The following ATP6V0E1 variants were observed in gnomAD, a reference collection of about 807,000 sequenced individuals.
The protein encoded by ATP6V0E1 is ATPase H+ transporting V0 subunit e1.
In ATP6V0E1, 4 loss-of-function variants were observed where a neutral mutation model predicts 11.6. The observed-to-expected ratio is 0.35, with a 90% confidence interval of 0.17 to 0.79. The LOEUF is 0.79. ATP6V0E1 is among the 30% of genes least tolerant of loss of function. The pLI, the probability that ATP6V0E1 is intolerant of heterozygous loss-of-function variation, is 0.54. For synonymous variants in ATP6V0E1, 36 were observed against 34.8 expected (o/e 1.04, Z -0.13); for missense variants, 105 against 100.0 (o/e 1.05, Z -0.21).
intron 2 of ATP6V0E1, among the ~76,000 whole-genome samples, chr5:173,013,574 C>CAAA (rs35084966): frequency 4.1e-4 from 25 of 61,512 alleles, no homozygotes; most frequent in East Asian, 6.5e-4. Context: ...GACTCCATCT[C>CAAA]AAAAAAAAAA....
intron 2 of ATP6V0E1, among the ~76,000 whole-genome samples, chr5:173,004,231 C>T (rs911552237): frequency 2.1e-4 from 32 of 152,164 alleles, no homozygotes; most frequent in African/African-American, 7.5e-4. Context: ...AGCAAGCTTG[C>T]ACTTCATTTG....
chr5:172,985,354 A>AT (rs916767424), intron 1 of ATP6V0E1, among the ~76,000 whole-genome samples: 22 of 150,922 alleles, frequency 1.5e-4, no homozygotes, highest in African/African-American at 4.6e-4. Flanking sequence ...GTCTAAAATT[A>AT]TTTTTTTTTA....
At chr5:172,988,895 G>T (rs1010247184) in intron 1 of ATP6V0E1, among the ~76,000 whole-genome samples, 1 of 152,178 alleles carries the variant, frequency 6.6e-6, no homozygotes, top group Non-Finnish European at 1.5e-5. Flanking sequence ...CACCATGTTG[G>T]CCAGGCTGTT....
rs1755838385 is a variant in ATP6V0E1, at chr5:172,983,796, A to G, written c.-65A>G. ...GCACACGCTGGTCACGCGGTCAGCT[A>G]TTGACACTTCCTGGTGGGATCCGAG... On this transcript the variant is annotated 5_prime_UTR_variant, in exon 1 of 4. Transcript: ENST00000519374. The G allele has an allele frequency of 3.3e-6, 5 of 1,502,214 alleles. No homozygotes were observed. Among genetic ancestry groups the G allele is most frequent in the East Asian group, 4.5e-5 (2 of 44,270 alleles). The allele number at this position is 1,502,214 out of a possible 1,614,324, so 93.1% of individuals were successfully genotyped here. A position where few individuals can be genotyped will look rare whatever the true frequency, so the allele number is the denominator to read the frequency against.
intron 2 of ATP6V0E1, among the ~76,000 whole-genome samples, chr5:173,016,244 C>T (rs1038169677): frequency 6.6e-6 from 1 of 152,148 alleles, no homozygotes; most frequent in South Asian, 2.1e-4. Context: ...GCTGATGCTA[C>T]CTCCAGGCAG....
intron 1 of ATP6V0E1, among the ~76,000 whole-genome samples, chr5:172,993,718 A>T (rs909089526): frequency 6.9e-6 from 1 of 145,230 alleles, no homozygotes; most frequent in Non-Finnish European, 1.5e-5. Context: ...AAAAATTAAA[A>T]ATATTAGCCA....
intron 3 of ATP6V0E1, 107 bp from the exon 4 acceptor site, chr5:173,034,292 C>T: frequency 8.8e-6 from 6 of 682,436 alleles, no homozygotes; most frequent in South Asian, 7.6e-5. Flanking sequence ...TTTTGTTGAG[C>T]ATCTGTGCAT....
Position 173,029,783 on chromosome 5 carries a change from C to T in ATP6V0E1, c.*37-4616C>T, listed in dbSNP as rs79772012. On this transcript the variant is annotated intron_variant, in intron 3 of 3. Transcript: ENST00000519374. The stretch of plus-strand genomic sequence containing the variant: ...TAAGCACACAACTTTTGCCGGGTCA[C>T]CAGCGGTCCCATGAGCCACAACAGA... Among the ~76,000 whole-genome samples the T allele has an allele frequency of 4.4e-4, 67 of 152,210 alleles. No homozygotes were observed. The East Asian group carries it at 0.012, about 28-fold the overall frequency.
intron 2 of ATP6V0E1, among the ~76,000 whole-genome samples, chr5:173,014,992 C>T (rs1217155458): frequency 6.6e-6 from 1 of 152,152 alleles, no homozygotes; most frequent in Admixed American, 6.5e-5. Context: ...ATTCTTTCTT[C>T]TGGATATTCT....
At chr5:173,033,375 C>T (rs1162813111) in intron 3 of ATP6V0E1, among the ~76,000 whole-genome samples, 2 of 151,112 alleles carry the variant, frequency 1.3e-5, no homozygotes, top group South Asian at 2.2e-4. Context: ...AATTTATAAT[C>T]TGCCTGGTAC....
At chr5:173,010,548 G>A (rs1384729983) in intron 2 of ATP6V0E1, among the ~76,000 whole-genome samples, 2 of 150,644 alleles carry the variant, frequency 1.3e-5, no homozygotes, top group Non-Finnish European at 2.9e-5. Flanking sequence ...ATCCGACTCT[G>A]TCTAATACCG....
intron 1 of ATP6V0E1, 92 bp from the exon 2 acceptor site, chr5:172,994,683 T>C: frequency 1.9e-6 from 2 of 1,063,570 alleles, no homozygotes; most frequent in South Asian, 1.6e-5. Context: ...CCATGCCAGT[T>C]TGATAATCTG....
chr5:173,019,875 C>T (rs564667637), intron 2 of ATP6V0E1, among the ~76,000 whole-genome samples: 1 of 152,112 alleles, frequency 6.6e-6, no homozygotes, highest in Admixed American at 6.5e-5. Context: ...ACACATTTTC[C>T]CTGAGGTTGG....
chr5:173,020,893 C>T (rs761038210), intron 3 of ATP6V0E1: 2 of 519,980 alleles, frequency 3.8e-6, no homozygotes, highest in Non-Finnish European at 7.7e-6. Flanking sequence ...TAAGCATTCA[C>T]TTTGGCTGCT....
intron 2 of ATP6V0E1, among the ~76,000 whole-genome samples, chr5:173,011,631 A>G: frequency 6.6e-6 from 1 of 152,110 alleles, no homozygotes; most frequent in South Asian, 2.1e-4. Context: ...TTTAAAATGC[A>G]GAACTTAGAC....
intron 2 of ATP6V0E1, among the ~76,000 whole-genome samples, chr5:173,002,284 T>C (rs1446859814): frequency 6.6e-6 from 1 of 152,220 alleles, no homozygotes; most frequent in Non-Finnish European, 1.5e-5. Flanking sequence ...ATTTCCGTAA[T>C]TGTCTCATTA....
intron 2 of ATP6V0E1, among the ~76,000 whole-genome samples, chr5:173,008,479 TTAA>T (rs1676832780): frequency 6.6e-6 from 1 of 150,708 alleles, no homozygotes; most frequent in Admixed American, 6.6e-5. Flanking sequence ...TTTTGTTGTT[TTAA>T]TAGAGATGGG....
intron 3 of ATP6V0E1, among the ~76,000 whole-genome samples, chr5:173,028,532 G>A (rs955782962): frequency 1.3e-5 from 2 of 152,098 alleles, no homozygotes; most frequent in African/African-American, 4.8e-5. Context: ...GAAAAATGAG[G>A]ACCAGTTATG....
chr5:172,988,758 G>A (rs754211363), intron 1 of ATP6V0E1, among the ~76,000 whole-genome samples: 7 of 151,962 alleles, frequency 4.6e-5, no homozygotes, highest in Non-Finnish European at 8.8e-5. Context: ...GCACAATCTC[G>A]GCTCACTGAA....
Sources: allele counts gnomAD v4.1 joint callset (sites outside exome capture counted in the v4.1 genomes callset), GRCh38; gene constraint gnomAD v4.1.1; transcripts MANE v1.5; gene names NCBI Gene and HGNC (gene_info 2026-07-23, HGNC 2026-07-21).